KCNQ2: variants seen among roughly 807,000 people sequenced by gnomAD.
KCNQ2 encodes the protein potassium voltage-gated channel subfamily KQT member 2.
KCNQ2 carries 14 observed loss-of-function variants against 84.8 expected under a neutral mutation model. The ratio of observed to expected loss-of-function variants is 0.17; its 90% CI spans 0.11 to 0.26. The LOEUF (loss-of-function observed/expected upper bound fraction) is 0.26, where lower values mean the gene tolerates loss of function less well. Among genes scored for constraint, KCNQ2 ranks in the 10% least tolerant of loss-of-function variants. The probability of loss-of-function intolerance (pLI) is 1.00; values close to 1 mark genes in which losing one functional copy is unlikely to be tolerated. For synonymous variants in KCNQ2, 599 were observed against 554.1 expected (o/e 1.08, Z -1.14); for missense variants, 788 against 1,254.0 (o/e 0.63, Z 5.61).
chr20:63,406,345 C>G lies in KCNQ2; in HGVS notation c.*299G>C, dbSNP rs1382233372. 2.5e-6 allele frequency: 1 copy of G among 403,932 alleles called. No individual in the cohort carries two copies. Among genetic ancestry groups the G allele is most frequent in the Non-Finnish European group, 4.5e-6 (1 of 221,554 alleles). 25.0% of individuals were successfully genotyped at this position (403,932 alleles called of 1,614,324 possible). A position where few individuals can be genotyped will look rare whatever the true frequency, so the allele number is the denominator to read the frequency against. The stretch of plus-strand genomic sequence containing the variant: ...CCGTCATCACTCCCGCCCCTCCTCA[C>G]ACCGGGCTGATGTCGGCCGCGGCCC... On this transcript the variant is annotated 3_prime_UTR_variant, in exon 17 of 17. Coordinates refer to ENST00000359125, the MANE Select transcript of KCNQ2 (RefSeq NM_172107.4).
intron 1 of KCNQ2, among the ~76,000 whole-genome samples, chr20:63,464,908 TCCAGATGC>T (rs1248829553): frequency 1.3e-5 from 2 of 152,076 alleles, no homozygotes; most frequent in Non-Finnish European, 2.9e-5. Flanking sequence ...CTCCACAGGC[TCCAGATGC>T]CCACATCCCC....
chr20:63,451,990 C>T (rs149860624), intron 1 of KCNQ2, among the ~76,000 whole-genome samples: 175 of 152,400 alleles, frequency 1.1e-3, no homozygotes, highest in African/African-American at 4.0e-3. Flanking sequence ...CGGGACCACA[C>T]AGTCTGAAGC....
chr20:63,447,834 T>C (rs549971156), intron 1 of KCNQ2, among the ~76,000 whole-genome samples: 2 of 152,242 alleles, frequency 1.3e-5, no homozygotes, highest in East Asian at 3.9e-4. Flanking sequence ...TGGGCTCAAG[T>C]GATGCTCCCG....
At chr20:63,421,304 C>G (rs6011824) in intron 11 of KCNQ2, among the ~76,000 whole-genome samples, 1,716 of 152,344 alleles carry the variant, frequency 0.011, 36 homozygotes, top group African/African-American at 0.039. Flanking sequence ...GAATCTCTAA[C>G]CGTGCCCGTT....
At chr20:63,430,210 G>C (rs2080751807) in intron 9 of KCNQ2, among the ~76,000 whole-genome samples, 1 of 152,156 alleles carries the variant, frequency 6.6e-6, no homozygotes, top group South Asian at 2.1e-4. Flanking sequence ...CGGAGCTGTG[G>C]GACGAGGGTG....
intron 1 of KCNQ2, among the ~76,000 whole-genome samples, chr20:63,465,826 C>G (rs2082065870): frequency 6.6e-6 from 1 of 152,216 alleles, no homozygotes; most frequent in Non-Finnish European, 1.5e-5. Context: ...GAGCTCCAGC[C>G]CTGCAAAGGG....
At chr20:63,457,900 G>C (rs1032750149) in intron 1 of KCNQ2, among the ~76,000 whole-genome samples, 1 of 152,166 alleles carries the variant, frequency 6.6e-6, no homozygotes, top group East Asian at 1.9e-4. Flanking sequence ...CAGCTCCCCG[G>C]GCACTGCCTC....
At position 63,438,452 on chromosome 20, in the gene KCNQ2, T is replaced by C; in HGVS notation, c.1023+173A>G. The stretch of plus-strand genomic sequence containing the variant: ...TGTGCAGCCTCAGGGGTTGGAGCCA[T>C]TTCTCAACACACACACTTCACATCC... On this transcript the variant is annotated intron_variant, in intron 7 of 16. Transcript: ENST00000359125. The surrounding 1 kb of genome is among the most constrained non-coding windows in gnomAD (Gnocchi z 5.1). 1.5e-6 allele frequency: 1 copy of C among 674,296 alleles called. No homozygotes were observed. The allele number at this position is 674,296 out of a possible 1,614,324, so 41.8% of individuals were successfully genotyped here.
At chr20:63,412,804 G>A (rs1369543410) in intron 15 of KCNQ2, among the ~76,000 whole-genome samples, 1 of 152,236 alleles carries the variant, frequency 6.6e-6, no homozygotes, top group African/African-American at 2.4e-5. Flanking sequence ...CCTACTGCAG[G>A]AGAGACTCTC....
Position 63,400,922 on chromosome 20 carries a change from C to A in KCNQ2, c.*5722G>T. On this transcript the variant is annotated 3_prime_UTR_variant, in exon 17 of 17. Coordinates refer to ENST00000359125, the MANE Select transcript of KCNQ2 (RefSeq NM_172107.4). The surrounding 1 kb of genome is among the most constrained non-coding windows in gnomAD (Gnocchi z 8.7). ...GGCACAGCCAGGGGGCATGGGGCGA[C>A]CTCAGGGAGTTCCTGTCCACATGCA... The A allele has an allele frequency of 2.5e-6, 1 of 398,246 alleles. No homozygotes were observed. Among genetic ancestry groups the A allele is most frequent in the Non-Finnish European group, 4.4e-6 (1 of 225,768 alleles). The allele number at this position is 398,246 out of a possible 1,614,324, so 24.7% of individuals were successfully genotyped here. A position where few individuals can be genotyped will look rare whatever the true frequency, so the allele number is the denominator to read the frequency against.
chr20:63,408,802 C>T lies in KCNQ2; in HGVS notation c.1764-266G>A, dbSNP rs1208949781. 3.9e-5 allele frequency among the ~76,000 whole-genome samples: 6 copies of T among 152,212 alleles called. No homozygotes were observed. In the East Asian group the frequency reaches 1.2e-3, roughly 29 times the overall value. ...GAGGAGTAAAGTAAGGACGCTCCCACCAGGGCCGAGTCGCCCGGCTCCTCT... is the reference window on the plus strand; with the variant it reads ...GAGGAGTAAAGTAAGGACGCTCCCATCAGGGCCGAGTCGCCCGGCTCCTCT... On this transcript the variant is annotated intron_variant, in intron 15 of 16. Coordinates refer to ENST00000359125, the MANE Select transcript of KCNQ2 (RefSeq NM_172107.4). The surrounding 1 kb of genome is among the most constrained non-coding windows in gnomAD (Gnocchi z 5.0).
In KCNQ2 at chr20:63,425,163, G is replaced by A. The variant is rs2080590867; in HGVS notation, c.1218-957C>T. Among the ~76,000 whole-genome samples, 1 of 152,172 alleles carries A rather than the reference G, an allele frequency of 6.6e-6. No individual in the cohort carries two copies. Among genetic ancestry groups the A allele is most frequent in the Non-Finnish European group, 1.5e-5 (1 of 68,042 alleles). On this transcript the variant is annotated intron_variant, in intron 10 of 16. Coordinates refer to ENST00000359125, the MANE Select transcript of KCNQ2 (RefSeq NM_172107.4). This position sits in a 1 kb window ranked among gnomAD's most constrained non-coding sequence, Gnocchi z 5.5. ...CAGCTGTCACCGGGCTAGGGCTCAA[G>A]CTGTCACCAGGCTCATCAGGATGTT...
In KCNQ2 at chr20:63,433,889, G is replaced by C; in HGVS notation, c.1038C>G (p.Phe346Leu). Residue 346 changes from phenylalanine (F) to leucine (L), a missense_variant, in exon 8 of 17, where the codon TTC becomes TTG. Physicochemically the swap from Phe to Leu is conservative, Grantham distance 22. Around this residue, in one of 8 missense-constraint regions of KCNQ2, gnomAD observed 16 missense variants for 38.7 expected, o/e 0.41. Transcript: ENST00000359125. ...CTGTGCGCGAGAGGTTGGTGGCGTA[G>C]AATCTCCAGGCCGACTGCGGAGGGA... ...AAGLIQSAWR[F>L]YATNLSRTDL... 2 of 1,613,646 alleles carry C rather than the reference G, an allele frequency of 1.2e-6. No homozygotes were observed. The highest frequency in any genetic ancestry group is 2.2e-5 in the East Asian group (1 of 44,878).
intron 1 of KCNQ2, among the ~76,000 whole-genome samples, chr20:63,458,843 C>A (rs2081875041): frequency 6.6e-6 from 1 of 152,242 alleles, no homozygotes; most frequent in African/African-American, 2.4e-5. Context: ...CCACCTTCCG[C>A]ACAGCGGGAA....
intron 1 of KCNQ2, among the ~76,000 whole-genome samples, chr20:63,451,877 T>A (rs2081625228): frequency 6.6e-6 from 1 of 152,202 alleles, no homozygotes; most frequent in Non-Finnish European, 1.5e-5. Flanking sequence ...AGCAGCGGCC[T>A]CTGCTGCACG....
At chr20:63,426,056 TCCC>T (rs1160526481) in intron 10 of KCNQ2, among the ~76,000 whole-genome samples, 1 of 152,158 alleles carries the variant, frequency 6.6e-6, no homozygotes, top group Non-Finnish European at 1.5e-5. Flanking sequence ...TCGGGATCGT[TCCC>T]CGTTTCCTAA....
At chr20:63,453,752 CAG>C (rs2081687464) in intron 1 of KCNQ2, 2 of 152,148 alleles carry the variant, frequency 1.3e-5, no homozygotes, top group Non-Finnish European at 1.5e-5. Context: ...GAGTTGGCCA[CAG>C]GGGGAGAAGG....
chr20:63,446,373 T>C lies in KCNQ2; in HGVS notation c.387+374A>G. Reference sequence around the variant, plus strand: ...CCCTGGCACAGGGTTGCTGCAAGCGTCACAGCCCCCACCCCGACGCCCACG... The same window carrying C: ...CCCTGGCACAGGGTTGCTGCAAGCGCCACAGCCCCCACCCCGACGCCCACG... On this transcript the variant is annotated intron_variant, in intron 2 of 16. Transcript: ENST00000359125. This position sits in a 1 kb window ranked among gnomAD's most constrained non-coding sequence, Gnocchi z 5.5. 3.0e-6 allele frequency: 1 copy of C among 331,278 alleles called. No individual in the cohort carries two copies. Among genetic ancestry groups the C allele is most frequent in the South Asian group, 3.1e-5 (1 of 32,444 alleles). 20.5% of individuals were successfully genotyped at this position (331,278 alleles called of 1,614,324 possible).
intron 7 of KCNQ2, among the ~76,000 whole-genome samples, chr20:63,435,654 C>T (rs2080971519): frequency 6.6e-6 from 1 of 152,190 alleles, no homozygotes; most frequent in Admixed American, 6.5e-5. Flanking sequence ...CAAAGACATT[C>T]TAAAATAACC....
Sources: allele counts gnomAD v4.1 joint callset (sites outside exome capture counted in the v4.1 genomes callset), GRCh38; gene constraint gnomAD v4.1.1; regional missense constraint gnomAD v4.1.1; non-coding constraint Gnocchi (gnomAD v3.1); transcripts MANE v1.5; gene names NCBI Gene and HGNC (gene_info 2026-07-23, HGNC 2026-07-21).